PABPC4L: variants seen among roughly 807,000 people sequenced by gnomAD.
PABPC4L encodes polyadenylate-binding protein 4-like.
For missense variants in PABPC4L, 452 were observed against 451.4 expected (o/e 1.00, Z -0.01); for synonymous variants, 169 against 164.1 (o/e 1.03, Z -0.23).
At chr4:134,144,620 A>C in the PABPC4L span, among the ~76,000 whole-genome samples, 1 of 150,986 alleles carries the variant, frequency 6.6e-6, no homozygotes, top group Non-Finnish European at 1.5e-5. Flanking sequence ...TATATGAAAG[A>C]AATGTTTCTT....
At chr4:134,026,511 T>C in the PABPC4L span, among the ~76,000 whole-genome samples, 1 of 152,094 alleles carries the variant, frequency 6.6e-6, no homozygotes, top group Non-Finnish European at 1.5e-5. Context: ...AATATAAAAA[T>C]GTAGTAGTTA....
chr4:134,183,459 G>A, the PABPC4L span, among the ~76,000 whole-genome samples: 4 of 151,426 alleles, frequency 2.6e-5, no homozygotes, highest in East Asian at 7.7e-4. Flanking sequence ...CCTACTTGAA[G>A]GTGGAGGGTG....
At chr4:133,954,012 G>A in the PABPC4L span, among the ~76,000 whole-genome samples, 37 of 152,362 alleles carry the variant, frequency 2.4e-4, no homozygotes, top group Non-Finnish European at 4.4e-4. Flanking sequence ...GTCCCATAGG[G>A]ACTTCTCTGA....
the PABPC4L span, among the ~76,000 whole-genome samples, chr4:134,132,571 G>T: frequency 8.8e-4 from 134 of 151,910 alleles, no homozygotes; most frequent in African/African-American, 3.2e-3. Context: ...ATCGATGTTG[G>T]ACTAGATGTG....
At chr4:134,098,664 T>A in the PABPC4L span, among the ~76,000 whole-genome samples, 1 of 151,660 alleles carries the variant, frequency 6.6e-6, no homozygotes, top group Non-Finnish European at 1.5e-5. Context: ...ATAGTTGGTA[T>A]GTAAGCTTAT....
chr4:134,012,607 A>G, the PABPC4L span, among the ~76,000 whole-genome samples: 1 of 152,200 alleles, frequency 6.6e-6, no homozygotes, highest in Admixed American at 6.5e-5. Context: ...GTCTCTTCAC[A>G]TGGACATGCA....
At chr4:134,133,457 G>A in the PABPC4L span, among the ~76,000 whole-genome samples, 1 of 144,094 alleles carries the variant, frequency 6.9e-6, no homozygotes, top group Non-Finnish European at 1.5e-5. Context: ...TATATAATAA[G>A]ATATCATATA....
chr4:134,060,769 A>T, the PABPC4L span, among the ~76,000 whole-genome samples: 3 of 152,130 alleles, frequency 2.0e-5, no homozygotes, highest in Admixed American at 1.3e-4. Context: ...GTCATTTGCA[A>T]CAACATGGAT....
the PABPC4L span, among the ~76,000 whole-genome samples, chr4:134,035,840 C>A: frequency 1.3e-5 from 2 of 151,942 alleles, no homozygotes; most frequent in African/African-American, 4.8e-5. Context: ...CATTCATCTG[C>A]CTAATTTTAT....
chr4:134,129,168 G>A, the PABPC4L span, among the ~76,000 whole-genome samples: 12 of 151,892 alleles, frequency 7.9e-5, no homozygotes, highest in South Asian at 4.2e-4. Context: ...GCTCCCAAAC[G>A]TATAAAACAA....
chr4:134,040,962 CAT>C, the PABPC4L span, among the ~76,000 whole-genome samples: 1 of 151,940 alleles, frequency 6.6e-6, no homozygotes, highest in African/African-American at 2.4e-5. Context: ...AGCCAACAAA[CAT>C]ATGAAAAAAA....
chr4:133,971,916 A>C, the PABPC4L span, among the ~76,000 whole-genome samples: 8 of 152,314 alleles, frequency 5.3e-5, no homozygotes, highest in African/African-American at 1.9e-4. Context: ...ATGCCCTCTC[A>C]AAAATTTGTG....
At chr4:134,005,240 G>C in the PABPC4L span, among the ~76,000 whole-genome samples, 1 of 151,612 alleles carries the variant, frequency 6.6e-6, no homozygotes, top group Non-Finnish European at 1.5e-5. Context: ...TTTCAATTAA[G>C]GAAAAAATAA....
At chr4:134,201,507 G>A (rs367809039) in intron 1 of PABPC4L, among the ~76,000 whole-genome samples, 3 of 152,274 alleles carry the variant, frequency 2.0e-5, no homozygotes, top group East Asian at 1.9e-4. Context: ...ACCCGAACCT[G>A]CCAGGTACCG....
chr4:134,025,549 A>G, the PABPC4L span, among the ~76,000 whole-genome samples: 1 of 152,282 alleles, frequency 6.6e-6, no homozygotes, highest in Non-Finnish European at 1.5e-5. Flanking sequence ...GACTGTAAAT[A>G]AGAGCATGAG....
chr4:134,187,445 AG>A, the PABPC4L span, among the ~76,000 whole-genome samples: 10 of 151,220 alleles, frequency 6.6e-5, no homozygotes, highest in African/African-American at 2.4e-4. Context: ...TCGCAAGGAC[AG>A]AAAGCCAAAC....
At chr4:133,948,646 T>A in the PABPC4L span, among the ~76,000 whole-genome samples, 1 of 152,228 alleles carries the variant, frequency 6.6e-6, no homozygotes, top group Non-Finnish European at 1.5e-5. Flanking sequence ...TATTTCCCCA[T>A]GCATTCCTGT....
the PABPC4L span, among the ~76,000 whole-genome samples, chr4:134,048,476 CAA>C: frequency 6.6e-6 from 1 of 152,060 alleles, no homozygotes; most frequent in Non-Finnish European, 1.5e-5. Flanking sequence ...GTAATTAAAG[CAA>C]TTACTGAGCT....
At chr4:134,144,993 T>C in the PABPC4L span, among the ~76,000 whole-genome samples, 1 of 151,772 alleles carries the variant, frequency 6.6e-6, no homozygotes, top group South Asian at 2.1e-4. Flanking sequence ...TGAAGTTATC[T>C]GAAATGATTC....
Sources: allele counts gnomAD v4.1 joint callset (sites outside exome capture counted in the v4.1 genomes callset), GRCh38; gene constraint gnomAD v4.1.1; transcripts MANE v1.5; gene names NCBI Gene and HGNC (gene_info 2026-07-23, HGNC 2026-07-21).